Variants in ABCD2 observed in about 807,000 individuals in gnomAD.
The protein encoded by ABCD2 is ATP-binding cassette sub-family D member 2.
A neutral mutation model predicts 70.9 loss-of-function variants in ABCD2; 36 were observed. That is an observed-to-expected ratio of 0.51 (90% CI 0.39 to 0.67). ABCD2 has a LOEUF of 0.67. ABCD2 is among the 30% of genes least tolerant of loss of function. The pLI, the probability that ABCD2 is intolerant of heterozygous loss-of-function variation, is 0.00. For missense variants in ABCD2, 729 were observed against 890.2 expected (o/e 0.82, Z 2.30); for synonymous variants, 304 against 306.9 (o/e 0.99, Z 0.10).
chr12:39,564,184 A>C (rs1941305791), intron 9 of ABCD2, among the ~76,000 whole-genome samples: 1 of 152,170 alleles, frequency 6.6e-6, no homozygotes, highest in Non-Finnish European at 1.5e-5. Flanking sequence ...CTAGTTCTAG[A>C]TCCCTGAGGA....
chr12:39,551,189 G>A lies in ABCD2; in HGVS notation c.*2723C>T, dbSNP rs1229535787. 6.6e-6 allele frequency: 1 copy of A among 151,626 alleles called. No homozygotes were observed. 9.4% of individuals were successfully genotyped at this position (151,626 alleles called of 1,614,324 possible). ...CATGCTTGGCATAACATTACATGCTGTAGAAATATAATGCAACGTTTTCAT... is the reference window on the plus strand; with the variant it reads ...CATGCTTGGCATAACATTACATGCTATAGAAATATAATGCAACGTTTTCAT... On this transcript the variant is annotated 3_prime_UTR_variant, in exon 10 of 10. Coordinates refer to ENST00000308666, the MANE Select transcript of ABCD2 (RefSeq NM_005164.4).
At chr12:39,604,706 G>T (rs1256032347) in intron 4 of ABCD2, 56 bp downstream of exon 4, 28 of 1,375,842 alleles carry the variant, frequency 2.0e-5, no homozygotes, top group South Asian at 3.3e-5. Context: ...TTAAACTTTG[G>T]TTCTGTTGAT....
chr12:39,606,680 G>C (rs1941973850), intron 3 of ABCD2, among the ~76,000 whole-genome samples: 3 of 152,050 alleles, frequency 2.0e-5, no homozygotes, highest in African/African-American at 4.8e-5. Flanking sequence ...TTTATTCAAG[G>C]CTGACTTAAT....
chr12:39,574,018 T>A (rs1941483783), intron 8 of ABCD2, among the ~76,000 whole-genome samples, 177 bp from the exon 9 acceptor site: 1 of 152,136 alleles, frequency 6.6e-6, no homozygotes, highest in Non-Finnish European at 1.5e-5. Flanking sequence ...GACTATAATA[T>A]CACATTTTTA....
At position 39,600,111 on chromosome 12, in the gene ABCD2, C is replaced by T. The variant is rs983669149; in HGVS notation, c.1646+460G>A. ...AAATTTACTTAAGAAAGTTACAAATCGCTAAATAATCATATAGCATAATTG... is the reference window on the plus strand; with the variant it reads ...AAATTTACTTAAGAAAGTTACAAATTGCTAAATAATCATATAGCATAATTG... On this transcript the variant is annotated intron_variant, in intron 6 of 9. Transcript: ENST00000308666. Among the ~76,000 whole-genome samples the T allele has an allele frequency of 3.9e-5, 6 of 152,200 alleles. No homozygotes were observed. The East Asian group carries it at 5.8e-4, about 15-fold the overall frequency.
At chr12:39,573,622 A>G in intron 9 of ABCD2, 94 bp downstream of exon 9, 1 of 1,394,550 alleles carries the variant, frequency 7.2e-7, no homozygotes. Context: ...TAAGTGAAAT[A>G]CCCTACCCTC....
intron 1 of ABCD2, among the ~76,000 whole-genome samples, chr12:39,618,032 T>G (rs535542813): frequency 6.6e-6 from 1 of 152,154 alleles, no homozygotes; most frequent in Non-Finnish European, 1.5e-5. Flanking sequence ...CAGCTTTTTT[T>G]TTTTTTCAAA....
At chr12:39,573,289 C>G (rs891885940) in intron 9 of ABCD2, among the ~76,000 whole-genome samples, 1 of 152,082 alleles carries the variant, frequency 6.6e-6, no homozygotes, top group Non-Finnish European at 1.5e-5. Context: ...CTCCCCCCTT[C>G]CCCACCACCA....
intron 7 of ABCD2, among the ~76,000 whole-genome samples, chr12:39,585,756 C>T (rs75224266): frequency 0.016 from 2,373 of 151,894 alleles, 78 homozygotes; most frequent in African/African-American, 0.053. Flanking sequence ...GGTCTGAAAA[C>T]AAAAAAAGTT....
At chr12:39,561,283 C>G (rs895032516) in intron 9 of ABCD2, among the ~76,000 whole-genome samples, 2 of 150,532 alleles carry the variant, frequency 1.3e-5, no homozygotes, top group South Asian at 4.2e-4. Context: ...ATCCTAGCTA[C>G]TAAGGAGGCT....
chr12:39,589,470 A>C (rs1230802988), intron 6 of ABCD2, among the ~76,000 whole-genome samples: 1 of 148,230 alleles, frequency 6.7e-6, no homozygotes. Flanking sequence ...GCTCACTGCA[A>C]GCTCCGCCTC....
intron 9 of ABCD2, among the ~76,000 whole-genome samples, chr12:39,559,691 A>G (rs1278517524): frequency 6.6e-6 from 1 of 152,196 alleles, no homozygotes; most frequent in Non-Finnish European, 1.5e-5. Flanking sequence ...TTTCAGCAGA[A>G]ACCTCACAGG....
chr12:39,596,433 ATTG>A (rs1283966480), intron 6 of ABCD2, among the ~76,000 whole-genome samples: 7 of 152,320 alleles, frequency 4.6e-5, no homozygotes, highest in East Asian at 1.9e-4. Flanking sequence ...TGAAAAAAAA[ATTG>A]TTATCTCTCT....
chr12:39,611,632 A>C (rs369689118), intron 2 of ABCD2, among the ~76,000 whole-genome samples: 15 of 152,198 alleles, frequency 9.9e-5, no homozygotes, highest in African/African-American at 3.6e-4. Context: ...TAACTTTATT[A>C]TGTTGAGTTA....
At chr12:39,561,512 G>C (rs890955036) in intron 9 of ABCD2, among the ~76,000 whole-genome samples, 1 of 151,762 alleles carries the variant, frequency 6.6e-6, no homozygotes, top group African/African-American at 2.4e-5. Flanking sequence ...GAATGCAAAA[G>C]ATATTTTATC....
intron 8 of ABCD2, among the ~76,000 whole-genome samples, chr12:39,578,729 C>G (rs180897827): frequency 8.6e-5 from 13 of 151,870 alleles, no homozygotes; most frequent in Admixed American, 7.9e-4. Context: ...TTTTCTCAAT[C>G]CATTGAAACC....
chr12:39,567,368 C>T (rs1941368020), intron 9 of ABCD2, among the ~76,000 whole-genome samples: 1 of 152,216 alleles, frequency 6.6e-6, no homozygotes, highest in African/African-American at 2.4e-5. Context: ...TTGAATTGAT[C>T]CCTTTACCAT....
At chr12:39,602,355 T>G (rs1941911133) in intron 5 of ABCD2, among the ~76,000 whole-genome samples, 1 of 151,898 alleles carries the variant, frequency 6.6e-6, no homozygotes, top group African/African-American at 2.4e-5. Flanking sequence ...GGTTTCACCA[T>G]GTTGGCCAGG....
chr12:39,595,223 CAGTA>C (rs1322436821), intron 6 of ABCD2, among the ~76,000 whole-genome samples: 5 of 152,126 alleles, frequency 3.3e-5, no homozygotes, highest in Middle Eastern at 3.4e-3. Flanking sequence ...AGATCAAAAA[CAGTA>C]GGATTTTTTT....
Sources: allele counts gnomAD v4.1 joint callset (sites outside exome capture counted in the v4.1 genomes callset), GRCh38; gene constraint gnomAD v4.1.1; transcripts MANE v1.5; gene names NCBI Gene and HGNC (gene_info 2026-07-23, HGNC 2026-07-21).